DLG2: variants seen among roughly 807,000 people sequenced by gnomAD.
DLG2 encodes disks large homolog 2.
DLG2 carries 45 observed loss-of-function variants against 132.5 expected under a neutral mutation model. The ratio of observed to expected loss-of-function variants is 0.34; its 90% CI spans 0.27 to 0.44. The LOEUF (loss-of-function observed/expected upper bound fraction) is 0.44. Among genes scored for constraint, DLG2 ranks in the 20% least tolerant of loss-of-function variants. The pLI is 1.00. For synonymous variants in DLG2, 424 were observed against 419.6 expected, an observed-to-expected ratio of 1.01 and a Z score of -0.13; for missense variants, 1,045 against 1,196.9, an observed-to-expected ratio of 0.87 and a Z score of 1.87.
chr11:85,127,249 AC>A (rs1007509477), intron 5 of DLG2, among the ~76,000 whole-genome samples: 2 of 36,102 alleles, frequency 5.5e-5, no homozygotes, highest in Admixed American at 5.4e-4. Context: ...CCCGCCCCCC[AC>A]CCACTCTCTC....
At chr11:84,963,629 G>C (rs2154110542) in intron 6 of DLG2, among the ~76,000 whole-genome samples, 1 of 152,238 alleles carries the variant, frequency 6.6e-6, no homozygotes, top group Non-Finnish European at 1.5e-5. Context: ...CTTAATTTCA[G>C]GATCTCCTTG....
chr11:85,430,798 A>C (rs2091124786), intron 3 of DLG2, among the ~76,000 whole-genome samples: 1 of 150,270 alleles, frequency 6.7e-6, no homozygotes, highest in Non-Finnish European at 1.5e-5. Context: ...TCAGGAAAAC[A>C]TTCTGAAAAT....
At chr11:85,488,132 T>C (rs907109004) in intron 3 of DLG2, among the ~76,000 whole-genome samples, 1 of 152,248 alleles carries the variant, frequency 6.6e-6, no homozygotes, top group African/African-American at 2.4e-5. Flanking sequence ...GGCTCACGCC[T>C]GTGATCCCAA....
intron 7 of DLG2, among the ~76,000 whole-genome samples, chr11:84,532,356 C>T (rs1327640845): frequency 2.6e-5 from 4 of 152,000 alleles, no homozygotes; most frequent in African/African-American, 9.7e-5. Flanking sequence ...ACCATATTAT[C>T]AATTCTAGTA....
chr11:85,547,816 CTG>C (rs2076425748), intron 3 of DLG2, among the ~76,000 whole-genome samples: 1 of 152,086 alleles, frequency 6.6e-6, no homozygotes. Flanking sequence ...AGCTCTCCTG[CTG>C]TGTTTTTCAG....
At chr11:83,601,244 G>C (rs1185943390) in intron 19 of DLG2, among the ~76,000 whole-genome samples, 2 of 152,198 alleles carry the variant, frequency 1.3e-5, no homozygotes, top group Admixed American at 6.5e-5. Context: ...CTTTGCCAAG[G>C]GTCCTCAATG....
intron 3 of DLG2, among the ~76,000 whole-genome samples, chr11:85,494,090 A>C (rs1196876775): frequency 6.6e-6 from 1 of 152,084 alleles, no homozygotes; most frequent in African/African-American, 2.4e-5. Context: ...TAAGGATACT[A>C]ATCCCACTTG....
intron 11 of DLG2, among the ~76,000 whole-genome samples, chr11:83,989,226 C>T (rs2093558535): frequency 6.6e-6 from 1 of 152,104 alleles, no homozygotes; most frequent in African/African-American, 2.4e-5. Context: ...ATGAGCTCTC[C>T]ATCCTCAACC....
intron 6 of DLG2, among the ~76,000 whole-genome samples, chr11:84,956,464 G>A (rs754611285): frequency 5.3e-5 from 8 of 152,112 alleles, no homozygotes; most frequent in Admixed American, 1.3e-4. Context: ...AGCCTAAGTC[G>A]GCTACATATG....
At chr11:83,983,712 G>A (rs2093003034) in intron 11 of DLG2, among the ~76,000 whole-genome samples, 1 of 151,904 alleles carries the variant, frequency 6.6e-6, no homozygotes, top group South Asian at 2.1e-4. Flanking sequence ...CTGATGCTTT[G>A]CCACCCCATG....
intron 8 of DLG2, among the ~76,000 whole-genome samples, chr11:84,206,193 CTGTATAGTCT>C (rs1440421052): frequency 6.6e-6 from 1 of 151,988 alleles, no homozygotes; most frequent in Non-Finnish European, 1.5e-5. Flanking sequence ...CTGTTTAGTC[CTGTATAGTCT>C]TGTATAGTCC....
intron 6 of DLG2, among the ~76,000 whole-genome samples, chr11:84,641,342 C>T (rs1489876971): frequency 6.6e-6 from 1 of 152,180 alleles, no homozygotes; most frequent in Admixed American, 6.5e-5. Context: ...AATTGCCTAA[C>T]CCATAGTAAG....
chr11:84,882,842 C>A (rs1424323215), intron 6 of DLG2, among the ~76,000 whole-genome samples: 2 of 151,982 alleles, frequency 1.3e-5, no homozygotes, highest in Non-Finnish European at 2.9e-5. Context: ...TCTTTAAAGC[C>A]TTTCTTAAGA....
intron 5 of DLG2, among the ~76,000 whole-genome samples, chr11:85,153,122 C>G (rs1256103600): frequency 6.6e-6 from 1 of 152,078 alleles, no homozygotes; most frequent in Non-Finnish European, 1.5e-5. Flanking sequence ...TAGGTATAAT[C>G]TCATTTTATC....
At chr11:83,880,060 G>A (rs1212639407) in intron 15 of DLG2, among the ~76,000 whole-genome samples, 1 of 152,202 alleles carries the variant, frequency 6.6e-6, no homozygotes, top group Non-Finnish European at 1.5e-5. Flanking sequence ...GGAAACTTGA[G>A]TGTCTTGGCT....
intron 6 of DLG2, among the ~76,000 whole-genome samples, chr11:84,728,948 A>AT (rs1295637042): frequency 6.6e-6 from 1 of 152,056 alleles, no homozygotes; most frequent in African/African-American, 2.4e-5. Context: ...CCCCTATATC[A>AT]TTTTTTATTG....
chr11:83,601,802 C>T (rs2058617248), intron 19 of DLG2, among the ~76,000 whole-genome samples: 1 of 151,942 alleles, frequency 6.6e-6, no homozygotes, highest in Non-Finnish European at 1.5e-5. Context: ...GGGTTACAGG[C>T]GTGAGGCACA....
intron 21 of DLG2, among the ~76,000 whole-genome samples, chr11:83,502,514 T>C (rs2094490462): frequency 6.6e-6 from 1 of 152,164 alleles, no homozygotes; most frequent in Non-Finnish European, 1.5e-5. Flanking sequence ...TGGTGATCAA[T>C]CCCCAAGGGC....
At chr11:83,874,707 A>G (rs1251698964) in intron 15 of DLG2, among the ~76,000 whole-genome samples, 1 of 152,100 alleles carries the variant, frequency 6.6e-6, no homozygotes, top group Non-Finnish European at 1.5e-5. Flanking sequence ...CATTTATTTA[A>G]AATGTTTTTG....
Sources: allele counts gnomAD v4.1 joint callset (sites outside exome capture counted in the v4.1 genomes callset), GRCh38; gene constraint gnomAD v4.1.1; transcripts MANE v1.5; gene names NCBI Gene and HGNC (gene_info 2026-07-23, HGNC 2026-07-21).